Variants in FNDC3B observed in about 807,000 individuals in gnomAD.
FNDC3B encodes fibronectin type III domain containing 3B.
Under a neutral mutation model 151.5 loss-of-function variants are expected in FNDC3B, and 12 were observed. The observed-to-expected ratio is 0.08, with a 90% CI of 0.05 to 0.13. FNDC3B has a LOEUF of 0.13. Among genes scored for constraint, FNDC3B ranks in the 10% least tolerant of loss-of-function variants. The pLI, the probability that FNDC3B is intolerant of heterozygous loss-of-function variation, is 1.00. For missense variants in FNDC3B, 1,214 were observed against 1,505.3 expected, an observed-to-expected ratio of 0.81 and a Z score of 3.20; for synonymous variants, 528 against 549.0, an observed-to-expected ratio of 0.96 and a Z score of 0.54.
At chr3:172,152,337 T>TA (rs908097841) in intron 3 of FNDC3B, among the ~76,000 whole-genome samples, 6 of 152,148 alleles carry the variant, frequency 3.9e-5, no homozygotes, top group Admixed American at 3.9e-4. Flanking sequence ...TTTCTGTGTG[T>TA]ATGTATGGGG....
intron 1 of FNDC3B, among the ~76,000 whole-genome samples, chr3:172,068,096 T>C (rs1379301176): frequency 1.3e-5 from 2 of 152,228 alleles, no homozygotes; most frequent in Non-Finnish European, 2.9e-5. Context: ...TCCCATTCTG[T>C]AGCCCCTGCT....
At chr3:172,373,648 ATTAAC>A (rs1367968944) in intron 23 of FNDC3B, among the ~76,000 whole-genome samples, 1 of 152,240 alleles carries the variant, frequency 6.6e-6, no homozygotes, top group Non-Finnish European at 1.5e-5. Context: ...CAAGAAAAAA[ATTAAC>A]TTAGTCTTTG....
rs990466726 is a variant in FNDC3B, at chr3:172,399,990, A to T, written c.*2515A>T. 6.6e-6 allele frequency: 1 copy of T among 152,648 alleles called. No individual in the cohort carries two copies. Among genetic ancestry groups the T allele is most frequent in the Non-Finnish European group, 1.5e-5 (1 of 68,036 alleles). 9.5% of individuals were successfully genotyped at this position (152,648 alleles called of 1,614,324 possible). ...ATTTTATTGCTCTCCATTATTTGGT[A>T]TTCATTATATTCCTTCAGTCAGAAA... is the stretch of plus-strand genomic sequence containing the variant. On this transcript the variant is annotated 3_prime_UTR_variant, in exon 26 of 26. Coordinates refer to ENST00000415807, the MANE Select transcript of FNDC3B (RefSeq NM_022763.4).
chr3:172,210,271 G>A (rs140998052), intron 3 of FNDC3B, among the ~76,000 whole-genome samples: 9 of 152,312 alleles, frequency 5.9e-5, no homozygotes, highest in African/African-American at 2.2e-4. Flanking sequence ...GGCTACCACT[G>A]CTATCATTAT....
At chr3:172,308,397 T>A (rs1731299879) in intron 10 of FNDC3B, among the ~76,000 whole-genome samples, 1 of 152,238 alleles carries the variant, frequency 6.6e-6, no homozygotes, top group Admixed American at 6.5e-5. Flanking sequence ...AAAATATAAT[T>A]TAAAATGTAA....
In FNDC3B at chr3:172,376,009, G is replaced by A. The variant is rs554958685; in HGVS notation, c.3009-2261G>A. Among the ~76,000 whole-genome samples the A allele has an allele frequency of 2.8e-4, 43 of 152,220 alleles. No individual in the cohort carries two copies. The South Asian group carries it at 6.6e-3, about 23-fold the overall frequency. On this transcript the variant is annotated intron_variant, in intron 23 of 25. Transcript: ENST00000415807. Reference sequence around the variant, plus strand: ...TCCCACTTTTTTTCTAGACACAAATGGGGTCATTTTTGTAATTCTAATTAA... The same window carrying A: ...TCCCACTTTTTTTCTAGACACAAATAGGGTCATTTTTGTAATTCTAATTAA...
rs1732521934 is a variant in FNDC3B at position 172,329,399 on chromosome 3, A to G, written c.1379+323A>G. Reference sequence around the variant, plus strand: ...AGATCACATGCCTTTTTCTTTTATCACTTTAGCAAGCTCTTCATTCACTTG... The same window carrying G: ...AGATCACATGCCTTTTTCTTTTATCGCTTTAGCAAGCTCTTCATTCACTTG... On this transcript the variant is annotated intron_variant, in intron 12 of 25. Coordinates refer to ENST00000415807, the MANE Select transcript of FNDC3B (RefSeq NM_022763.4). The G allele has an allele frequency of 1.2e-5, 3 of 244,572 alleles. No homozygotes were observed. The Admixed American group carries it at 1.7e-4, about 14-fold the overall frequency. 15.2% of individuals were successfully genotyped at this position (244,572 alleles called of 1,614,324 possible).
chr3:172,274,096 A>G (rs1293579636), intron 6 of FNDC3B, among the ~76,000 whole-genome samples: 2 of 152,204 alleles, frequency 1.3e-5, no homozygotes, highest in Non-Finnish European at 2.9e-5. Flanking sequence ...AGAAGAGGAC[A>G]TATTACCGAT....
chr3:172,172,111 C>G (rs945338052), intron 3 of FNDC3B, among the ~76,000 whole-genome samples: 12 of 152,128 alleles, frequency 7.9e-5, no homozygotes, highest in Non-Finnish European at 1.5e-4. Flanking sequence ...CATTCAGACA[C>G]CCAAACACCG....
intron 25 of FNDC3B, among the ~76,000 whole-genome samples, chr3:172,385,398 G>A (rs554884368): frequency 6.6e-6 from 1 of 152,110 alleles, no homozygotes; most frequent in Non-Finnish European, 1.5e-5. Context: ...TCCAGTACTG[G>A]CATATAGTTT....
At chr3:172,321,579 T>C (rs1732083854) in intron 11 of FNDC3B, 3 of 186,508 alleles carry the variant, frequency 1.6e-5, no homozygotes, top group South Asian at 1.2e-4. Context: ...CTTGCTCTGT[T>C]GCCCAGGCTG....
At chr3:172,101,535 C>T (rs923612185) in intron 1 of FNDC3B, among the ~76,000 whole-genome samples, 2 of 152,086 alleles carry the variant, frequency 1.3e-5, no homozygotes, top group African/African-American at 4.8e-5. Context: ...TTATAAGGTA[C>T]CTTTCAGCTA....
At chr3:172,203,007 G>A (rs1465379456) in intron 3 of FNDC3B, among the ~76,000 whole-genome samples, 6 of 152,130 alleles carry the variant, frequency 3.9e-5, no homozygotes, top group African/African-American at 1.2e-4. Flanking sequence ...CTGTACCAAA[G>A]CCGGCCATGG....
At position 172,352,809 on chromosome 3, in the gene FNDC3B, A is replaced by G. The variant is rs200227137; in HGVS notation, c.2521A>G (p.Asn841Asp). 6.2e-7 allele frequency: 1 copy of G among 1,613,282 alleles called. No individual in the cohort carries two copies. The change falls in exon 22 of 26, where the codon AAT (asparagine) becomes GAT (aspartate). Residue 841 changes from asparagine (N) to aspartate (D), a missense_variant. Physicochemically the swap from Asn to Asp is conservative, Grantham distance 23. This residue lies in a region of FNDC3B where 380 missense variants were observed against 420.9 expected (regional missense o/e 0.90). Coordinates refer to ENST00000415807, the MANE Select transcript of FNDC3B (RefSeq NM_022763.4). The surrounding 1 kb of genome is among the most constrained non-coding windows in gnomAD (Gnocchi z 4.2). ...AQYCCRLQAF[N>D]QAGAGPYSEL... ...TTGCTGTTCTGTTTTGTAGGCCTTC[A>G]ATCAAGCAGGGGCAGGGCCGTACAG...
chr3:172,344,503 T>G (rs1673626198), intron 19 of FNDC3B, among the ~76,000 whole-genome samples: 3 of 152,236 alleles, frequency 2.0e-5, no homozygotes, highest in Admixed American at 2.0e-4. Context: ...CACTCAAGGT[T>G]AATAAGGATA....
chr3:172,170,125 T>G (rs1723215989), intron 3 of FNDC3B, among the ~76,000 whole-genome samples: 1 of 152,206 alleles, frequency 6.6e-6, no homozygotes, highest in South Asian at 2.1e-4. Context: ...GTTGTTTTCT[T>G]CCTCCCCTCT....
At chr3:172,138,943 G>T (rs1415089390) in intron 3 of FNDC3B, among the ~76,000 whole-genome samples, 1 of 152,194 alleles carries the variant, frequency 6.6e-6, no homozygotes, top group Admixed American at 6.5e-5. Flanking sequence ...CTTCAGCTCT[G>T]TGTCTAATTC....
chr3:172,235,535 T>A (rs1436228054), intron 4 of FNDC3B, among the ~76,000 whole-genome samples: 2 of 152,210 alleles, frequency 1.3e-5, no homozygotes, highest in African/African-American at 4.8e-5. Flanking sequence ...GACTGATTTC[T>A]TGATACCTCA....
intron 3 of FNDC3B, among the ~76,000 whole-genome samples, chr3:172,220,391 G>A (rs1037277351): frequency 1.3e-5 from 2 of 152,126 alleles, no homozygotes; most frequent in African/African-American, 4.8e-5. Flanking sequence ...TTGTTGAGTT[G>A]TGAGAGTTCT....
Sources: allele counts gnomAD v4.1 joint callset (sites outside exome capture counted in the v4.1 genomes callset), GRCh38; gene constraint gnomAD v4.1.1; regional missense constraint gnomAD v4.1.1; non-coding constraint Gnocchi (gnomAD v3.1); transcripts MANE v1.5; gene names NCBI Gene and HGNC (gene_info 2026-07-23, HGNC 2026-07-21).